ATXN2: variants seen among roughly 807,000 people sequenced by gnomAD.
ATXN2 encodes ataxin 2.
Under a neutral mutation model 138.6 loss-of-function variants are expected in ATXN2, and 37 were observed. The ratio of observed to expected loss-of-function variants is 0.27; its 90% CI spans 0.21 to 0.35. The LOEUF (loss-of-function observed/expected upper bound fraction) is 0.35, where lower values mean the gene tolerates loss of function less well. Ranked by LOEUF, ATXN2 falls within the 10% of genes least tolerant of loss-of-function variation. The pLI, the probability that ATXN2 is intolerant of heterozygous loss-of-function variation, is 1.00. For missense variants in ATXN2, 1,216 were observed against 1,480.3 expected (o/e 0.82, Z 2.93); for synonymous variants, 549 against 543.7 (o/e 1.01, Z -0.13).
intron 1 of ATXN2, chr12:111,581,581 G>A (rs890246900): frequency 1.1e-5 from 9 of 847,328 alleles, no homozygotes; most frequent in South Asian, 6.6e-5. Context: ...CCCACTTCAT[G>A]AACTCCTGCT....
intron 11 of ATXN2, 117 bp downstream of exon 11, chr12:111,513,240 C>T (rs895231224): frequency 5.9e-6 from 7 of 1,177,772 alleles, no homozygotes; most frequent in Non-Finnish European, 8.2e-6. Context: ...CCTGGTGATT[C>T]TACTATTTTT....
intron 1 of ATXN2, among the ~76,000 whole-genome samples, chr12:111,585,624 G>T (rs891013502): frequency 6.6e-6 from 1 of 151,712 alleles, no homozygotes; most frequent in Admixed American, 6.6e-5. Flanking sequence ...GGCCAAAATG[G>T]GGAAACCCCG....
intron 23 of ATXN2, chr12:111,455,010 G>A (rs576189398): frequency 8.5e-6 from 6 of 702,362 alleles, no homozygotes; most frequent in Non-Finnish European, 1.6e-5. Context: ...GGGTGAGGAC[G>A]CCCAAACTTC....
chr12:111,509,761 G>A (rs564799063), intron 13 of ATXN2, 130 bp downstream of exon 13: 1 of 952,662 alleles, frequency 1.0e-6, no homozygotes, highest in East Asian at 2.6e-5. Context: ...TTTGGAATTT[G>A]TCAAGCAATA....
At chr12:111,461,696 G>A (rs1875593797) in intron 21 of ATXN2, among the ~76,000 whole-genome samples, 1 of 151,726 alleles carries the variant, frequency 6.6e-6, no homozygotes, top group South Asian at 2.1e-4. Flanking sequence ...GCCGAGGTAG[G>A]TGATCACGAG....
intron 5 of ATXN2, among the ~76,000 whole-genome samples, chr12:111,551,436 G>C (rs955105936): frequency 6.6e-6 from 1 of 152,114 alleles, no homozygotes; most frequent in African/African-American, 2.4e-5. Context: ...CACTTAAAAA[G>C]AGACTAAATT....
chr12:111,531,089 G>A (rs189778615), intron 5 of ATXN2, among the ~76,000 whole-genome samples: 1 of 151,858 alleles, frequency 6.6e-6, no homozygotes, highest in East Asian at 2.0e-4. Flanking sequence ...TTGCACTCCA[G>A]CCTGGGTAAC....
chr12:111,572,999 A>T (rs1176092602), intron 1 of ATXN2, among the ~76,000 whole-genome samples: 1 of 152,104 alleles, frequency 6.6e-6, no homozygotes, highest in Admixed American at 6.6e-5. Flanking sequence ...AGGGAGCTGC[A>T]GAAAACTAAC....
At chr12:111,578,183 C>T (rs541430545) in intron 1 of ATXN2, among the ~76,000 whole-genome samples, 14 of 152,176 alleles carry the variant, frequency 9.2e-5, no homozygotes, top group Admixed American at 4.6e-4. Context: ...GGCGATAGAG[C>T]GAGACTCCAT....
rs1323683047 is a variant in ATXN2 at position 111,586,629 on chromosome 12, G to A, written c.251+12155C>T. Among the ~76,000 whole-genome samples, 9 of 151,502 alleles carry A rather than the reference G, an allele frequency of 5.9e-5. No homozygotes were observed. In the South Asian group the frequency reaches 6.3e-4, roughly 11 times the overall value. On this transcript the variant is annotated intron_variant, in intron 1 of 24. Coordinates refer to ENST00000673436, the MANE Select transcript of ATXN2 (RefSeq NM_001372574.1). ...TCTCAATCTCTTGACCTTGTAATCC[G>A]CCCTCCTCAACCTCCCAAAGTGCTG...
intron 18 of ATXN2, among the ~76,000 whole-genome samples, chr12:111,483,170 A>G (rs1877369935): frequency 6.7e-6 from 1 of 148,682 alleles, no homozygotes; most frequent in South Asian, 2.1e-4. Flanking sequence ...CTCAGCAGCA[A>G]AGCAAGACCC....
At chr12:111,564,275 T>C (rs1009727177) in intron 1 of ATXN2, among the ~76,000 whole-genome samples, 1 of 151,828 alleles carries the variant, frequency 6.6e-6, no homozygotes, top group Non-Finnish European at 1.5e-5. Context: ...TGATACACAC[T>C]GAGTAAATAC....
At chr12:111,576,138 C>CAA (rs1449124626) in intron 1 of ATXN2, among the ~76,000 whole-genome samples, 22 of 115,624 alleles carry the variant, frequency 1.9e-4, no homozygotes, top group South Asian at 5.7e-4. Flanking sequence ...AACATAACAT[C>CAA]ACACCAAACC....
chr12:111,492,575 A>G (rs1444586173), intron 14 of ATXN2, among the ~76,000 whole-genome samples: 2 of 152,058 alleles, frequency 1.3e-5, no homozygotes, highest in Non-Finnish European at 2.9e-5. Flanking sequence ...CCAGCTACTC[A>G]GGAGGCTGAG....
intron 23 of ATXN2, chr12:111,455,417 G>A (rs1216484542): frequency 2.7e-6 from 1 of 375,168 alleles, no homozygotes; most frequent in Non-Finnish European, 5.0e-6. Flanking sequence ...GAGCTCCAAA[G>A]TGCTTCCAGG....
At chr12:111,499,150 G>T (rs1349671489) in intron 14 of ATXN2, among the ~76,000 whole-genome samples, 1 of 152,152 alleles carries the variant, frequency 6.6e-6, no homozygotes, top group Non-Finnish European at 1.5e-5. Flanking sequence ...AAGATTTCTT[G>T]AGTAATACCC....
chr12:111,599,668 C>G, upstream of ATXN2: 3 of 1,060,452 alleles, frequency 2.8e-6, no homozygotes, highest in East Asian at 1.1e-4. Context: ...GGGTTGCTTT[C>G]TCGGGGGTCG....
At chr12:111,520,779 A>G (rs936254866) in intron 7 of ATXN2, 103 bp downstream of exon 7, 2 of 637,604 alleles carry the variant, frequency 3.1e-6, no homozygotes, top group Non-Finnish European at 5.0e-6. Flanking sequence ...TATTTCATGT[A>G]ATTGTTTAAC....
At chr12:111,558,952 TA>T (rs11439568) in intron 1 of ATXN2, among the ~76,000 whole-genome samples, 9 of 141,388 alleles carry the variant, frequency 6.4e-5, no homozygotes, top group Admixed American at 1.4e-4. Flanking sequence ...CAATTTCCCT[TA>T]AAAAAAAAAA....
Sources: gnomAD v4.1 joint callset for allele counts (sites outside exome capture counted in the v4.1 genomes callset) on GRCh38, gnomAD v4.1.1 for gene constraint, MANE v1.5 for transcripts, NCBI Gene and HGNC (gene_info 2026-07-23, HGNC 2026-07-21) for gene names.